The following IRF8 variants were observed in gnomAD, a reference collection of about 807,000 sequenced individuals.
The protein encoded by IRF8 is interferon consensus sequence binding protein 1.
IRF8 carries 14 observed loss-of-function variants against 48.7 expected under a neutral mutation model. The ratio of observed to expected loss-of-function variants is 0.29; its 90% confidence interval spans 0.19 to 0.45. IRF8 has a LOEUF of 0.45. Ranked by LOEUF, IRF8 falls within the 20% of genes least tolerant of loss-of-function variation. The pLI, the probability that IRF8 is intolerant of heterozygous loss-of-function variation, is 1.00. For missense variants in IRF8, 493 were observed against 580.7 expected, an observed-to-expected ratio of 0.85 and a Z score of 1.55; for synonymous variants, 278 against 227.3, an observed-to-expected ratio of 1.22 and a Z score of -2.01.
chr16:85,917,021 C>G (rs78833760), intron 6 of IRF8, among the ~76,000 whole-genome samples: 1 of 152,204 alleles, frequency 6.6e-6, no homozygotes, highest in South Asian at 2.1e-4. Flanking sequence ...TCCAGCATGG[C>G]TGGAAATGGA....
chr16:85,921,387 G>C lies in IRF8; in HGVS notation c.*105G>C. ...ATGTGGATCCCTCTGTCTGGGGTGGGATGCCTTACTTTGCACTTAATTTAA... is the reference window on the plus strand; with the variant it reads ...ATGTGGATCCCTCTGTCTGGGGTGGCATGCCTTACTTTGCACTTAATTTAA... On this transcript the variant is annotated 3_prime_UTR_variant, in exon 9 of 9. Coordinates refer to ENST00000268638, the MANE Select transcript of IRF8 (RefSeq NM_002163.4). The C allele has an allele frequency of 7.9e-7, 1 of 1,258,106 alleles. No homozygotes were observed. The highest frequency in any genetic ancestry group is 1.2e-5 in the South Asian group (1 of 83,472). The allele number at this position is 1,258,106 out of a possible 1,614,324, so 77.9% of individuals were successfully genotyped here.
chr16:85,905,310 C>T (rs192027333), intron 2 of IRF8, among the ~76,000 whole-genome samples: 17 of 152,314 alleles, frequency 1.1e-4, no homozygotes, highest in South Asian at 8.3e-4. Flanking sequence ...GGCATGCTGA[C>T]GGAGACGAAG....
chr16:85,906,494 A>G (rs1266857471), intron 2 of IRF8, among the ~76,000 whole-genome samples: 9 of 152,228 alleles, frequency 5.9e-5, no homozygotes, highest in Non-Finnish European at 1.0e-4. Context: ...AGTTCAGGGC[A>G]GGCGGCAAGC....
intron 1 of IRF8, chr16:85,902,606 G>C (rs916751586): frequency 3.8e-6 from 1 of 262,694 alleles, no homozygotes. Flanking sequence ...TTGGTTCTTC[G>C]GATAATGGGC....
intron 1 of IRF8, among the ~76,000 whole-genome samples, chr16:85,900,678 G>A (rs899155851): frequency 6.6e-6 from 1 of 152,120 alleles, no homozygotes; most frequent in Non-Finnish European, 1.5e-5. Context: ...TGCCTCTCTG[G>A]GCCTCAGTTT....
intron 5 of IRF8, chr16:85,913,932 T>C (rs1388986138): frequency 1.7e-5 from 3 of 177,164 alleles, no homozygotes; most frequent in Admixed American, 1.1e-4. Flanking sequence ...GTGAATGTGT[T>C]TGCTTCCTCC....
chr16:85,918,058 G>T (rs549106745), intron 6 of IRF8, among the ~76,000 whole-genome samples: 1 of 152,310 alleles, frequency 6.6e-6, no homozygotes, highest in East Asian at 1.9e-4. Flanking sequence ...CCTATGAGAC[G>T]GAGTATTGTC....
chr16:85,917,926 C>T (rs942515567), intron 6 of IRF8, among the ~76,000 whole-genome samples: 4 of 152,194 alleles, frequency 2.6e-5, no homozygotes, highest in Non-Finnish European at 5.9e-5. Context: ...CAGGAAATAC[C>T]AAGGGCGCTG....
In IRF8 at chr16:85,911,552, TTGTC is replaced by T. The variant is rs779637232; in HGVS notation, c.359-15_359-12del. ...GCCTCCGTGCCATGTGTCATGGTGT[TTGTC>T]TGGTTTTCTGTAGGCAAACTAGGCG... On this transcript the variant is annotated splice_polypyrimidine_tract_variant and intron_variant, in intron 3 of 8. Coordinates refer to ENST00000268638, the MANE Select transcript of IRF8 (RefSeq NM_002163.4). 9.3e-6 allele frequency: 15 copies of T among 1,609,748 alleles called. No homozygotes were observed. The highest frequency in any genetic ancestry group is 4.0e-5 in the African/African-American group (3 of 74,846).
In IRF8 at chr16:85,921,228, T is replaced by C. The variant is rs773242905; in HGVS notation, c.1227T>C (p.Ile409=). The stretch of plus-strand genomic sequence containing the variant: ...AGGTCTTCCGGATGTTTCCAGATAT[T>C]TGTGCCTCACACCAGAGATCATTTT... ...PDQVFRMFPD[I]CASHQRSFFR... Residue 409 remains isoleucine, a synonymous_variant, in exon 9 of 9, where the codon ATT becomes ATC. Coordinates refer to ENST00000268638, the MANE Select transcript of IRF8 (RefSeq NM_002163.4). 2 of 1,614,220 alleles carry C rather than the reference T, an allele frequency of 1.2e-6. No homozygotes were observed. The highest frequency in any genetic ancestry group is 1.3e-5 in the African/African-American group (1 of 75,052).
At position 85,918,625 on chromosome 16, in the gene IRF8, GT is replaced by G; in HGVS notation, c.812del (p.Phe271SerfsTer120). The G allele has an allele frequency of 6.2e-7, 1 of 1,608,356 alleles. No individual in the cohort carries two copies. Among genetic ancestry groups the G allele is most frequent in the Non-Finnish European group, 8.5e-7 (1 of 1,179,530 alleles). On this transcript the variant is annotated frameshift_variant, in exon 7 of 9. Coordinates refer to ENST00000268638, the MANE Select transcript of IRF8 (RefSeq NM_002163.4). LOFTEE classifies it high-confidence loss of function. ...GACAGAGGCAGGTGACGCGGAAGCT[GT>G]TCGGGCACCTGGAGCGCGGGGTGCT... ...ERQRQVTRKL[F>X]GHLERGVLLH... is the part of the protein sequence containing the mutation.
chr16:85,913,424 C>A, intron 5 of IRF8, 188 bp downstream of exon 5: 2 of 619,690 alleles, frequency 3.2e-6, no homozygotes, highest in Non-Finnish European at 5.9e-6. Context: ...CCAGCTGTGC[C>A]TTTGGCCCTG....
chr16:85,903,195 G>A lies in IRF8; in HGVS notation c.174+6G>A, dbSNP rs1327951124. On this transcript the variant is annotated splice_donor_region_variant and intron_variant, in intron 2 of 8. Transcript: ENST00000268638. ...TGGATGCCTCCATTTTTAAGGTAAAGAGCCCAGCTCCCTTCCCCACTGTGG... is the reference window on the plus strand; with the variant it reads ...TGGATGCCTCCATTTTTAAGGTAAAAAGCCCAGCTCCCTTCCCCACTGTGG... The A allele has an allele frequency of 6.2e-7, 1 of 1,612,638 alleles. No homozygotes were observed. The highest frequency in any genetic ancestry group is 8.5e-7 in the Non-Finnish European group (1 of 1,179,260).
chr16:85,918,915 G>C, intron 7 of IRF8, 112 bp downstream of exon 7: 1 of 1,358,230 alleles, frequency 7.4e-7, no homozygotes, highest in Non-Finnish European at 1.0e-6. Flanking sequence ...ATGTGGAGGA[G>C]GAGTGAGGGG....
chr16:85,900,532 C>A (rs984371965), intron 1 of IRF8, among the ~76,000 whole-genome samples: 10 of 152,218 alleles, frequency 6.6e-5, no homozygotes, highest in Non-Finnish European at 1.3e-4. Context: ...GACACACAGA[C>A]GTGGCTGCAC....
Position 85,920,158 on chromosome 16 carries a change from G to A in IRF8, c.1038G>A (p.Val346=). 2 of 1,614,012 alleles carry A rather than the reference G, an allele frequency of 1.2e-6. No homozygotes were observed. The highest frequency in any genetic ancestry group is 1.7e-6 in the Non-Finnish European group (2 of 1,179,964). ...NSQGRLPDGR[V]VLCFGEEFPD... ...AGGGCCGGCTTCCTGACGGCAGGGT[G>A]GTGCTGTGCTTTGGGGAAGAGTTTC... Residue 346 remains valine (V), a synonymous_variant, in exon 8 of 9, where the codon GTG becomes GTA. Transcript: ENST00000268638.
At chr16:85,915,465 G>A (rs403038) in intron 6 of IRF8, among the ~76,000 whole-genome samples, 19,826 of 152,214 alleles carry the variant, frequency 0.13, 1,373 homozygotes, top group Admixed American at 0.16. Context: ...CAGGAAAACT[G>A]TCGAGATGGC....
Position 85,921,514 on chromosome 16 carries a change from A to G in IRF8, c.*232A>G, listed in dbSNP as rs1454684117. The G allele has an allele frequency of 2.0e-5, 11 of 561,290 alleles. No homozygotes were observed. The East Asian group carries it at 3.1e-4, about 16-fold the overall frequency. 34.8% of individuals were successfully genotyped at this position (561,290 alleles called of 1,614,324 possible). ...GATGCTGTAACCACAACCTGTGGCT[A>G]AAAATTTTATTTTCTATCCTTTACC... is the stretch of plus-strand genomic sequence containing the variant. On this transcript the variant is annotated 3_prime_UTR_variant, in exon 9 of 9. Coordinates refer to ENST00000268638, the MANE Select transcript of IRF8 (RefSeq NM_002163.4).
chr16:85,909,389 C>T (rs1486134826), intron 3 of IRF8: 11 of 574,106 alleles, frequency 1.9e-5, no homozygotes, highest in Middle Eastern at 4.6e-4. Context: ...ACCTGTGCCC[C>T]ACTTGCTGCC....
Sources: allele counts gnomAD v4.1 joint callset (sites outside exome capture counted in the v4.1 genomes callset), GRCh38; gene constraint gnomAD v4.1.1; transcripts MANE v1.5; gene names NCBI Gene and HGNC (gene_info 2026-07-23, HGNC 2026-07-21).